ITFG1: variants seen among roughly 807,000 people sequenced by gnomAD.
ITFG1 encodes the protein integrin alpha FG-GAP repeat containing 1, also known as T-cell immunomodulatory protein.
ITFG1 carries 34 observed loss-of-function variants against 81.8 expected under a neutral mutation model. That is an observed-to-expected ratio of 0.42 (90% CI 0.32 to 0.55). The LOEUF (loss-of-function observed/expected upper bound fraction) is 0.55. Among genes scored for constraint, ITFG1 ranks in the 20% least tolerant of loss-of-function variants. The pLI, the probability that ITFG1 is intolerant of heterozygous loss-of-function variation, is 0.17. For synonymous variants in ITFG1, 285 were observed against 270.6 expected, an observed-to-expected ratio of 1.05 and a Z score of -0.52; for missense variants, 672 against 755.4, an observed-to-expected ratio of 0.89 and a Z score of 1.29.
At position 47,289,606 on chromosome 16, in the gene ITFG1, T is replaced by C. The variant is rs184646404; in HGVS notation, c.1070+21634A>G. Among the ~76,000 whole-genome samples, 16 of 152,294 alleles carry C rather than the reference T, an allele frequency of 1.1e-4. No homozygotes were observed. In the East Asian group the frequency reaches 2.1e-3, roughly 20 times the overall value. On this transcript the variant is annotated intron_variant, in intron 10 of 17. Coordinates refer to ENST00000320640, the MANE Select transcript of ITFG1 (RefSeq NM_030790.5). Reference sequence around the variant, plus strand: ...TTGTATGTGTACATGAATTCATCCATTTACACTAGATTTTCTAATTTGTTG... The same window carrying C: ...TTGTATGTGTACATGAATTCATCCACTTACACTAGATTTTCTAATTTGTTG...
intron 6 of ITFG1, among the ~76,000 whole-genome samples, chr16:47,418,368 C>G (rs962341772): frequency 1.2e-4 from 19 of 152,150 alleles, no homozygotes; most frequent in African/African-American, 4.1e-4. Context: ...GGTGCAGAAG[C>G]TTTTTAGCAC....
chr16:47,178,419 C>T (rs1196690826), intron 14 of ITFG1, among the ~76,000 whole-genome samples: 1 of 152,082 alleles, frequency 6.6e-6, no homozygotes, highest in Admixed American at 6.5e-5. Context: ...AGAAATAATA[C>T]CACACATCTA....
intron 14 of ITFG1, among the ~76,000 whole-genome samples, chr16:47,211,582 T>C (rs1965560922): frequency 6.6e-6 from 1 of 152,244 alleles, no homozygotes; most frequent in South Asian, 2.1e-4. Context: ...TATCCTTGCT[T>C]AGTTCCTAAT....
intron 10 of ITFG1, among the ~76,000 whole-genome samples, chr16:47,291,615 T>A (rs949658556): frequency 8.5e-5 from 13 of 152,218 alleles, no homozygotes; most frequent in African/African-American, 3.1e-4. Flanking sequence ...TTAAGTTTTG[T>A]AGGATTTCTC....
intron 5 of ITFG1, among the ~76,000 whole-genome samples, chr16:47,442,324 A>T (rs562342574): frequency 2.0e-5 from 3 of 152,322 alleles, no homozygotes; most frequent in South Asian, 4.1e-4. Flanking sequence ...GAATTGGAAA[A>T]GACTACTTTA....
intron 14 of ITFG1, among the ~76,000 whole-genome samples, chr16:47,195,318 A>G (rs983595563): frequency 2.6e-5 from 4 of 152,166 alleles, no homozygotes; most frequent in Admixed American, 6.5e-5. Context: ...AAGAATCATC[A>G]CACAAAACTG....
At chr16:47,369,764 CA>C in intron 7 of ITFG1, among the ~76,000 whole-genome samples, 1 of 150,782 alleles carries the variant, frequency 6.6e-6, no homozygotes, top group African/African-American at 2.4e-5. Context: ...GTGATTGGAT[CA>C]GGGTTTTTAG....
intron 8 of ITFG1, among the ~76,000 whole-genome samples, chr16:47,326,318 G>A (rs998423152): frequency 2.2e-4 from 33 of 152,160 alleles, no homozygotes; most frequent in South Asian, 6.2e-4. Flanking sequence ...TTGATGGGAC[G>A]TATCTCAAAA....
chr16:47,188,912 G>A lies in ITFG1; in HGVS notation c.1454-26248C>T, dbSNP rs557191224. Reference sequence around the variant, plus strand: ...CCCAAGTAGCTGGGATTAGAAGTGTGTGCCACCATGCCCAGCTAATTTTTG... The same window carrying A: ...CCCAAGTAGCTGGGATTAGAAGTGTATGCCACCATGCCCAGCTAATTTTTG... On this transcript the variant is annotated intron_variant, in intron 14 of 17. Transcript: ENST00000320640. Among the ~76,000 whole-genome samples the A allele has an allele frequency of 2.6e-4, 39 of 152,196 alleles. No homozygotes were observed. In the East Asian group the frequency reaches 7.6e-3, roughly 29 times the overall value.
intron 2 of ITFG1, among the ~76,000 whole-genome samples, chr16:47,455,835 T>A (rs2151619960): frequency 7.3e-6 from 1 of 136,890 alleles, no homozygotes; most frequent in Admixed American, 7.3e-5. Flanking sequence ...TGAGAAAACC[T>A]CCTGCAAAGG....
Position 47,306,042 on chromosome 16 carries a change from G to A in ITFG1, c.1070+5198C>T, listed in dbSNP as rs184308096. Among the ~76,000 whole-genome samples the A allele has an allele frequency of 3.1e-3, 478 of 152,250 alleles. 3 individuals carry two copies. The highest frequency in any genetic ancestry group is 5.3e-3 in the Non-Finnish European group (359 of 67,986). On this transcript the variant is annotated intron_variant, in intron 10 of 17. Coordinates refer to ENST00000320640, the MANE Select transcript of ITFG1 (RefSeq NM_030790.5). Reference sequence around the variant, plus strand: ...GAACGAGAAGTAATCGGGGTCGGGAGAGAGAGAACTAGAAGTGTCCTAAAA... The same window carrying A: ...GAACGAGAAGTAATCGGGGTCGGGAAAGAGAGAACTAGAAGTGTCCTAAAA...
intron 5 of ITFG1, among the ~76,000 whole-genome samples, chr16:47,446,857 C>T (rs1969330610): frequency 6.6e-6 from 1 of 151,488 alleles, no homozygotes; most frequent in African/African-American, 2.4e-5. Flanking sequence ...TTCAACTATA[C>T]TGGTTTTTTC....
intron 8 of ITFG1, among the ~76,000 whole-genome samples, chr16:47,364,893 T>C (rs909507641): frequency 3.9e-5 from 6 of 152,230 alleles, no homozygotes; most frequent in African/African-American, 1.4e-4. Flanking sequence ...GGTTCCACTA[T>C]GTTGCCCAGG....
intron 12 of ITFG1, among the ~76,000 whole-genome samples, chr16:47,249,118 A>G (rs181271736): frequency 9.9e-5 from 15 of 152,280 alleles, no homozygotes; most frequent in Admixed American, 2.6e-4. Context: ...ATTACATATT[A>G]TTTGTAATCA....
chr16:47,395,487 C>T (rs1035791701), intron 6 of ITFG1, among the ~76,000 whole-genome samples: 4 of 152,118 alleles, frequency 2.6e-5, no homozygotes, highest in Non-Finnish European at 5.9e-5. Flanking sequence ...AGGCAAAAAG[C>T]TTGATTCAAA....
At chr16:47,205,063 T>C (rs1022837563) in intron 14 of ITFG1, among the ~76,000 whole-genome samples, 5 of 152,222 alleles carry the variant, frequency 3.3e-5, no homozygotes, top group Non-Finnish European at 7.3e-5. Flanking sequence ...CAAATAATAC[T>C]ACTATTTACA....
chr16:47,256,242 G>C (rs1218127838), intron 12 of ITFG1, among the ~76,000 whole-genome samples: 1 of 152,140 alleles, frequency 6.6e-6, no homozygotes, highest in Non-Finnish European at 1.5e-5. Context: ...TGGGAGGACT[G>C]ATTTTTTTTT....
chr16:47,178,186 T>A (rs576004294), intron 14 of ITFG1, among the ~76,000 whole-genome samples: 18 of 152,364 alleles, frequency 1.2e-4, no homozygotes, highest in African/African-American at 3.6e-4. Context: ...GTTACCCACA[T>A]AGAAAAAAGA....
At chr16:47,199,932 T>C (rs553589003) in intron 14 of ITFG1, among the ~76,000 whole-genome samples, 5 of 152,220 alleles carry the variant, frequency 3.3e-5, no homozygotes, top group Admixed American at 2.6e-4. Context: ...CAGTTCACAA[T>C]AGGGTTTGCA....
Sources: gnomAD v4.1 joint callset for allele counts (sites outside exome capture counted in the v4.1 genomes callset) on GRCh38, gnomAD v4.1.1 for gene constraint, MANE v1.5 for transcripts, NCBI Gene and HGNC (gene_info 2026-07-23, HGNC 2026-07-21) for gene names.